The following PTPRD variants were observed in gnomAD, a reference collection of about 807,000 sequenced individuals.
The protein encoded by PTPRD is protein tyrosine phosphatase receptor type D.
A neutral mutation model predicts 214.5 loss-of-function variants in PTPRD; 34 were observed. The observed-to-expected ratio is 0.16, with a 90% CI of 0.12 to 0.21. The LOEUF (loss-of-function observed/expected upper bound fraction) is 0.21, where lower values mean the gene tolerates loss of function less well. Ranked by LOEUF, PTPRD falls within the 10% of genes least tolerant of loss-of-function variation. PTPRD has a pLI of 1.00. For missense variants in PTPRD, 2,545 were observed against 2,398.7 expected (o/e 1.06, Z -1.27); for synonymous variants, 1,128 against 845.7 (o/e 1.33, Z -5.79).
intron 3 of PTPRD, among the ~76,000 whole-genome samples, chr9:10,182,589 G>A (rs1206415894): frequency 1.3e-5 from 2 of 151,858 alleles, no homozygotes; most frequent in Non-Finnish European, 1.5e-5. Flanking sequence ...ATTCACAGAG[G>A]GGGAAACCAA....
intron 4 of PTPRD, among the ~76,000 whole-genome samples, chr9:9,987,089 T>C (rs541302488): frequency 2.0e-5 from 3 of 152,180 alleles, no homozygotes; most frequent in African/African-American, 4.8e-5. Flanking sequence ...GAGGAAGTTA[T>C]ATAGCAATAA....
intron 8 of PTPRD, among the ~76,000 whole-genome samples, chr9:9,429,748 T>C (rs949749211): frequency 2.0e-5 from 3 of 152,158 alleles, no homozygotes; most frequent in African/African-American, 7.2e-5. Flanking sequence ...TGGTTCAACA[T>C]ACATAAATCA....
intron 5 of PTPRD, among the ~76,000 whole-genome samples, chr9:9,831,541 A>G (rs1049309691): frequency 1.3e-5 from 2 of 151,920 alleles, no homozygotes; most frequent in South Asian, 4.1e-4. Context: ...TGCTCATCGT[A>G]AGATTGAAGA....
At chr9:8,931,690 G>A (rs1467149065) in intron 11 of PTPRD, among the ~76,000 whole-genome samples, 2 of 152,124 alleles carry the variant, frequency 1.3e-5, no homozygotes, top group Non-Finnish European at 2.9e-5. Flanking sequence ...AAATGAGTTA[G>A]GGAGGAGTCT....
intron 2 of PTPRD, among the ~76,000 whole-genome samples, chr9:10,453,328 A>T (rs76119097): frequency 0.028 from 4,163 of 151,374 alleles, 203 homozygotes; most frequent in African/African-American, 0.095. Flanking sequence ...TAAATTTTAG[A>T]AGTTCTTTTA....
intron 9 of PTPRD, among the ~76,000 whole-genome samples, chr9:9,223,074 T>C (rs2099957219): frequency 6.6e-6 from 1 of 152,032 alleles, no homozygotes; most frequent in South Asian, 2.1e-4. Flanking sequence ...GAATTTCTAC[T>C]TATGAGAAAC....
chr9:8,920,627 G>A (rs1275674360), intron 11 of PTPRD, among the ~76,000 whole-genome samples: 1 of 152,100 alleles, frequency 6.6e-6, no homozygotes, highest in Non-Finnish European at 1.5e-5. Flanking sequence ...TTTTAAGAAA[G>A]TTTACAAATT....
At chr9:9,772,884 G>A (rs927489719) in intron 5 of PTPRD, among the ~76,000 whole-genome samples, 4 of 152,010 alleles carry the variant, frequency 2.6e-5, no homozygotes, top group African/African-American at 7.2e-5. Flanking sequence ...CTCTCAAAAC[G>A]ACACATTCAC....
intron 11 of PTPRD, among the ~76,000 whole-genome samples, chr9:8,927,825 C>T (rs578025990): frequency 2.6e-5 from 4 of 152,302 alleles, no homozygotes; most frequent in Admixed American, 1.3e-4. Flanking sequence ...CTTCTACCAA[C>T]AGTGTAAAAG....
chr9:9,757,136 G>A (rs1014822777), intron 6 of PTPRD, among the ~76,000 whole-genome samples: 2 of 152,106 alleles, frequency 1.3e-5, no homozygotes, highest in Non-Finnish European at 2.9e-5. Flanking sequence ...GCAGTTTACC[G>A]AGATTCCCTT....
At chr9:8,420,757 T>G (rs1396278550) in intron 35 of PTPRD, among the ~76,000 whole-genome samples, 1 of 152,048 alleles carries the variant, frequency 6.6e-6, no homozygotes, top group Non-Finnish European at 1.5e-5. Flanking sequence ...CAGCTCCCTT[T>G]GCCCTCAGAG....
intron 18 of PTPRD, 86 bp downstream of exon 18, chr9:8,524,839 A>G: frequency 9.4e-7 from 1 of 1,063,538 alleles, no homozygotes; most frequent in Non-Finnish European, 1.5e-6. Flanking sequence ...CTTGTTAACT[A>G]CTAATATAAC....
chr9:10,171,311 G>A (rs573603813), intron 3 of PTPRD, among the ~76,000 whole-genome samples: 2 of 151,982 alleles, frequency 1.3e-5, no homozygotes, highest in East Asian at 3.9e-4. Context: ...CACGGGGGTG[G>A]TTTCCTCCAT....
intron 9 of PTPRD, among the ~76,000 whole-genome samples, chr9:9,378,106 T>C (rs1273491319): frequency 6.6e-6 from 1 of 152,044 alleles, no homozygotes; most frequent in Non-Finnish European, 1.5e-5. Flanking sequence ...CAGTTCACAT[T>C]AGGGTTCGCT....
At chr9:8,731,606 C>A (rs896450689) in intron 12 of PTPRD, among the ~76,000 whole-genome samples, 2 of 152,134 alleles carry the variant, frequency 1.3e-5, no homozygotes, top group Admixed American at 1.3e-4. Context: ...AATCTGGATC[C>A]TATTTTACCA....
chr9:10,376,228 G>A (rs1192291616), intron 2 of PTPRD, among the ~76,000 whole-genome samples: 1 of 151,768 alleles, frequency 6.6e-6, no homozygotes, highest in Non-Finnish European at 1.5e-5. Flanking sequence ...ATTATTAATT[G>A]CTGATATGCT....
intron 3 of PTPRD, among the ~76,000 whole-genome samples, chr9:10,112,836 C>G (rs1465174842): frequency 6.6e-6 from 1 of 152,196 alleles, no homozygotes; most frequent in Admixed American, 6.5e-5. Flanking sequence ...CCAATGTTCA[C>G]GTCTTGTCTT....
chr9:8,841,137 C>A (rs929862965), intron 11 of PTPRD, among the ~76,000 whole-genome samples: 7 of 152,152 alleles, frequency 4.6e-5, no homozygotes, highest in Admixed American at 1.3e-4. Context: ...CATAATACTC[C>A]TGTGACCATC....
At chr9:9,948,247 C>A (rs2093036374) in intron 4 of PTPRD, among the ~76,000 whole-genome samples, 1 of 152,074 alleles carries the variant, frequency 6.6e-6, no homozygotes, top group African/African-American at 2.4e-5. Flanking sequence ...TACTTATGAA[C>A]TGCACTGCCA....
Sources: gnomAD v4.1 joint callset for allele counts (sites outside exome capture counted in the v4.1 genomes callset) on GRCh38, gnomAD v4.1.1 for gene constraint, MANE v1.5 for transcripts, NCBI Gene and HGNC (gene_info 2026-07-23, HGNC 2026-07-21) for gene names.